ARMC2: variants seen among roughly 807,000 people sequenced by gnomAD.
ARMC2 encodes armadillo repeat-containing protein 2.
In ARMC2, 67 loss-of-function variants were observed where a neutral mutation model predicts 90.3. The ratio of observed to expected loss-of-function variants is 0.74; its 90% CI spans 0.61 to 0.91. The LOEUF is 0.91. Among genes scored for constraint, ARMC2 ranks in the 40% least tolerant of loss-of-function variants. The pLI, the probability that ARMC2 is intolerant of heterozygous loss-of-function variation, is 0.00. For synonymous variants in ARMC2, 393 were observed against 393.0 expected, an observed-to-expected ratio of 1.00 and a Z score of 0.00; for missense variants, 920 against 1,030.9, an observed-to-expected ratio of 0.89 and a Z score of 1.47.
intron 4 of ARMC2, among the ~76,000 whole-genome samples, chr6:108,871,779 T>C (rs147534999): frequency 1.6e-4 from 25 of 152,268 alleles, no homozygotes; most frequent in Non-Finnish European, 3.4e-4. Flanking sequence ...AGGTGCCCTC[T>C]GCAGCTGTGA....
chr6:109,031,401 C>A, the ARMC2 span, among the ~76,000 whole-genome samples: 2 of 152,252 alleles, frequency 1.3e-5, no homozygotes, highest in South Asian at 4.1e-4. Flanking sequence ...CATTCCACCT[C>A]CTCTCCAGCC....
At chr6:108,981,178 C>T in the ARMC2 span, among the ~76,000 whole-genome samples, 404 of 152,214 alleles carry the variant, frequency 2.7e-3, 5 homozygotes, top group Admixed American at 3.9e-3. Context: ...ACTCTCCCCT[C>T]GCCAAACAGC....
downstream of ARMC2, among the ~76,000 whole-genome samples, chr6:108,978,257 C>T (rs1205956618): frequency 6.6e-6 from 1 of 152,132 alleles, no homozygotes; most frequent in African/African-American, 2.4e-5. Context: ...TTGTTATTTA[C>T]CCAGTAGTCA....
rs140492689 is a variant in ARMC2 at position 108,937,877 on chromosome 6, T to G, written c.1596+878T>G. Among the ~76,000 whole-genome samples the G allele has an allele frequency of 4.8e-3, 724 of 151,884 alleles. 11 individuals carry two copies. Among genetic ancestry groups the G allele is most frequent in the African/African-American group, 0.017 (702 of 41,318 alleles). On this transcript the variant is annotated intron_variant, in intron 12 of 17. Coordinates refer to ENST00000392644, the MANE Select transcript of ARMC2 (RefSeq NM_032131.6). ...CTGGCTAATTTTGTTTTTGTACTTTTAGTAGAGACGAGGTTTCACCGTGTT... is the reference window on the plus strand; with the variant it reads ...CTGGCTAATTTTGTTTTTGTACTTTGAGTAGAGACGAGGTTTCACCGTGTT...
chr6:108,954,015 G>A (rs1467423808), intron 13 of ARMC2, among the ~76,000 whole-genome samples: 1 of 152,174 alleles, frequency 6.6e-6, no homozygotes, highest in Non-Finnish European at 1.5e-5. Flanking sequence ...TACTCACTGT[G>A]TGCTCACATG....
intron 5 of ARMC2, among the ~76,000 whole-genome samples, chr6:108,882,987 A>G (rs1423248475): frequency 1.3e-5 from 2 of 152,272 alleles, no homozygotes; most frequent in South Asian, 4.1e-4. Context: ...AATAATCCAT[A>G]CTAAGACATT....
chr6:108,935,697 C>T (rs1775906692), intron 11 of ARMC2, among the ~76,000 whole-genome samples: 1 of 152,178 alleles, frequency 6.6e-6, no homozygotes, highest in Non-Finnish European at 1.5e-5. Flanking sequence ...CCTGCCTCGG[C>T]CTCCCAAAGT....
the ARMC2 span, among the ~76,000 whole-genome samples, chr6:108,983,798 A>G: frequency 1.3e-5 from 2 of 152,228 alleles, no homozygotes; most frequent in South Asian, 2.1e-4. Context: ...GGATTTTGAT[A>G]GAGATTGCAT....
chr6:108,878,155 G>A (rs1777122030), intron 5 of ARMC2, among the ~76,000 whole-genome samples: 1 of 152,220 alleles, frequency 6.6e-6, no homozygotes, highest in Admixed American at 6.5e-5. Flanking sequence ...CATTAATGAT[G>A]TTAATGAATC....
chr6:108,866,743 G>T (rs1380140348), intron 3 of ARMC2, among the ~76,000 whole-genome samples: 3 of 152,046 alleles, frequency 2.0e-5, no homozygotes, highest in Admixed American at 6.5e-5. Flanking sequence ...TCCATATTAT[G>T]ATGATTATTT....
At chr6:108,898,863 C>T (rs528498035) in intron 6 of ARMC2, among the ~76,000 whole-genome samples, 20 of 152,302 alleles carry the variant, frequency 1.3e-4, no homozygotes, top group South Asian at 4.1e-4. Flanking sequence ...CTATTCCCTA[C>T]AACCCATATT....
the ARMC2 span, among the ~76,000 whole-genome samples, chr6:109,039,297 A>G: frequency 6.6e-6 from 1 of 152,256 alleles, no homozygotes. Flanking sequence ...TAAATTGTAT[A>G]TACTGCATAA....
At chr6:109,012,889 G>T in the ARMC2 span, among the ~76,000 whole-genome samples, 1 of 152,002 alleles carries the variant, frequency 6.6e-6, no homozygotes, top group African/African-American at 2.4e-5. Flanking sequence ...CCGAGGCAGG[G>T]CGGATCACAA....
the ARMC2 span, among the ~76,000 whole-genome samples, chr6:109,018,668 G>T: frequency 6.6e-6 from 1 of 152,168 alleles, no homozygotes; most frequent in Non-Finnish European, 1.5e-5. Context: ...AATAAAGAAT[G>T]CAAGTAGTTG....
the ARMC2 span, among the ~76,000 whole-genome samples, chr6:108,993,464 C>T: frequency 6.6e-5 from 10 of 152,006 alleles, no homozygotes; most frequent in African/African-American, 1.9e-4. Flanking sequence ...CATCTTTAGG[C>T]ATGGAAACAA....
the ARMC2 span, chr6:108,998,951 C>A: frequency 2.1e-6 from 1 of 478,156 alleles, no homozygotes; most frequent in Non-Finnish European, 3.6e-6. Context: ...TTAACATAAT[C>A]TGTTAAGACA....
chr6:108,860,506 C>CA (rs1443756050), intron 3 of ARMC2, among the ~76,000 whole-genome samples: 19 of 151,892 alleles, frequency 1.3e-4, no homozygotes, highest in Admixed American at 2.6e-4. Flanking sequence ...ACTAAAAATA[C>CA]AAAAAATTAG....
the ARMC2 span, among the ~76,000 whole-genome samples, chr6:109,051,832 A>C: frequency 6.6e-6 from 1 of 152,206 alleles, no homozygotes; most frequent in Non-Finnish European, 1.5e-5. Context: ...ATCTCCTTAC[A>C]TGACAGAAGA....
intron 10 of ARMC2, among the ~76,000 whole-genome samples, chr6:108,926,451 G>A (rs772776694): frequency 2.0e-5 from 3 of 152,198 alleles, no homozygotes; most frequent in Non-Finnish European, 4.4e-5. Flanking sequence ...CTGGCTGGGC[G>A]CAGTGGCTCA....
Sources: gnomAD v4.1 joint callset for allele counts (sites outside exome capture counted in the v4.1 genomes callset) on GRCh38, gnomAD v4.1.1 for gene constraint, MANE v1.5 for transcripts, NCBI Gene and HGNC (gene_info 2026-07-23, HGNC 2026-07-21) for gene names.